The following MAN2A1 variants were observed in gnomAD, a reference collection of about 807,000 sequenced individuals.
The protein encoded by MAN2A1 is mannosidase alpha class 2A member 1, also known as alpha-mannosidase 2.
In MAN2A1, 76 loss-of-function variants were observed where a neutral mutation model predicts 142.6. The ratio of observed to expected loss-of-function variants is 0.53; its 90% CI spans 0.44 to 0.65. The LOEUF is 0.65. Ranked by LOEUF, MAN2A1 falls within the 30% of genes least tolerant of loss-of-function variation. MAN2A1 has a pLI of 0.00. For synonymous variants in MAN2A1, 559 were observed against 473.2 expected (o/e 1.18, Z -2.35); for missense variants, 1,311 against 1,365.1 (o/e 0.96, Z 0.62).
At position 109,767,541 on chromosome 5, in the gene MAN2A1, A is replaced by C; in HGVS notation, c.842A>C (p.Lys281Thr). The C allele has an allele frequency of 6.2e-7, 1 of 1,611,228 alleles. No homozygotes were observed. Among genetic ancestry groups the C allele is most frequent in the Non-Finnish European group, 8.5e-7 (1 of 1,179,038 alleles). Residue 281 changes from lysine (K) to threonine (T), a missense_variant, in exon 6 of 22, where the codon AAA becomes ACA. This residue lies in a region of MAN2A1 where 409 missense variants were observed against 412.7 expected (regional missense o/e 0.99). Coordinates refer to ENST00000261483, the MANE Select transcript of MAN2A1 (RefSeq NM_002372.4). ...HQWLENNIGV[K>T]PRSGWAIDPF... ...TTATCATCTTTATCCACAGGAGTGA[A>C]ACCTCGGTCCGGCTGGGCTATTGAT...
intron 4 of MAN2A1, among the ~76,000 whole-genome samples, chr5:109,732,798 A>G (rs202245761): frequency 5.9e-5 from 9 of 151,836 alleles, no homozygotes; most frequent in Non-Finnish European, 8.8e-5. Context: ...AGGTAGTGTG[A>G]TGCCTCCAGC....
rs1263830457 is a variant in MAN2A1, at chr5:109,854,223, A to G, written c.2977-917A>G. On this transcript the variant is annotated intron_variant, in intron 19 of 21. Transcript: ENST00000261483. ...ACTGGTGATCAAAGGACCTTTCTGC[A>G]TAAATTATTTTCTAAGTTATTTGTG... 3 of 152,200 alleles carry G rather than the reference A, an allele frequency of 2.0e-5. No individual in the cohort carries two copies. The East Asian group carries it at 5.8e-4, about 29-fold the overall frequency. 9.4% of individuals were successfully genotyped at this position (152,200 alleles called of 1,614,324 possible).
intron 20 of MAN2A1, chr5:109,863,628 G>C (rs1755809934): frequency 6.6e-6 from 1 of 152,188 alleles, no homozygotes; most frequent in African/African-American, 2.4e-5. Context: ...TTACAGGCAA[G>C]AAAATAGATA....
Position 109,865,069 on chromosome 5 carries a change from A to T in MAN2A1, c.3205A>T (p.Ile1069Phe), listed in dbSNP as rs989530286. Residue 1069 changes from isoleucine (I) to phenylalanine (F), a missense_variant, in exon 21 of 22, where the codon ATC becomes TTC. Around this residue, in one of 3 missense-constraint regions of MAN2A1, gnomAD observed 890 missense variants for 920.5 expected, o/e 0.97. Transcript: ENST00000261483. ...GNGHSNEAAL[I>F]LHRKGFDCRF... is the part of the protein sequence containing the mutation. The stretch of plus-strand genomic sequence containing the variant: ...TGGGCACTCCAATGAGGCAGCCTTG[A>T]TCCTCCACAGAAAAGGGTTTGATTG... 6 of 1,613,996 alleles carry T rather than the reference A, an allele frequency of 3.7e-6. No homozygotes were observed. Among genetic ancestry groups the T allele is most frequent in the Non-Finnish European group, 1.7e-6 (2 of 1,179,926 alleles).
intron 3 of MAN2A1, among the ~76,000 whole-genome samples, chr5:109,729,127 G>A (rs1370845453): frequency 6.6e-6 from 1 of 152,250 alleles, no homozygotes; most frequent in East Asian, 1.9e-4. Flanking sequence ...AATTTGTGCA[G>A]TTTTCAGAGT....
intron 1 of MAN2A1, chr5:109,699,640 CT>C (rs1750917779): frequency 6.5e-6 from 1 of 152,828 alleles, no homozygotes; most frequent in Non-Finnish European, 1.5e-5. Flanking sequence ...AGTGCAGCTC[CT>C]TGTATACCCT....
chr5:109,748,498 T>G (rs553082396), intron 4 of MAN2A1, among the ~76,000 whole-genome samples: 2 of 152,202 alleles, frequency 1.3e-5, no homozygotes, highest in East Asian at 1.9e-4. Context: ...ATGTGATTCC[T>G]GCGCTCATGG....
chr5:109,750,807 T>G (rs187925998), intron 4 of MAN2A1, among the ~76,000 whole-genome samples: 104 of 152,252 alleles, frequency 6.8e-4, no homozygotes, highest in African/African-American at 2.4e-3. Context: ...AACTCATTCT[T>G]TCTCCACTAA....
intron 2 of MAN2A1, among the ~76,000 whole-genome samples, chr5:109,715,244 T>C (rs1195923651): frequency 7.0e-6 from 1 of 142,158 alleles, no homozygotes; most frequent in Non-Finnish European, 1.6e-5. Context: ...ATAAATATTA[T>C]TGGCTTAAAA....
intron 16 of MAN2A1, among the ~76,000 whole-genome samples, chr5:109,831,000 G>C (rs1160170169): frequency 6.6e-6 from 1 of 152,164 alleles, no homozygotes; most frequent in Non-Finnish European, 1.5e-5. Context: ...ACTGAACTCA[G>C]GTGAAGGGCA....
intron 10 of MAN2A1, among the ~76,000 whole-genome samples, chr5:109,787,341 A>G (rs1298713645): frequency 6.6e-6 from 1 of 152,006 alleles, no homozygotes; most frequent in Non-Finnish European, 1.5e-5. Flanking sequence ...CATAACAGCA[A>G]ACTAAGAAAC....
chr5:109,819,842 G>A lies in MAN2A1; in HGVS notation c.2283G>A (p.Glu761=). 4 of 1,607,620 alleles carry A rather than the reference G, an allele frequency of 2.5e-6. No individual in the cohort carries two copies. The highest frequency in any genetic ancestry group is 3.4e-6 in the Non-Finnish European group (4 of 1,177,672). The change falls in exon 14 of 22, where the codon GAG becomes GAA. Residue 761 remains glutamate, a synonymous_variant. Transcript: ENST00000261483. Reference sequence around the variant, plus strand: ...ATACTGAAGAAGGTATAACACTAGAGAACTCCTTTGTTTTACTTCGGTTTG... The same window carrying A: ...ATACTGAAGAAGGTATAACACTAGAAAACTCCTTTGTTTTACTTCGGTTTG... ...MINTEEGITL[E]NSFVLLRFDQ...
At chr5:109,770,221 TG>T (rs1180113539) in intron 6 of MAN2A1, 133 bp from the exon 7 acceptor site, 1 of 734,630 alleles carries the variant, frequency 1.4e-6, no homozygotes, top group African/African-American at 1.8e-5. Flanking sequence ...GTATATGTAC[TG>T]GAAGTTAAAG....
At chr5:109,714,391 G>A (rs1392413250) in intron 2 of MAN2A1, among the ~76,000 whole-genome samples, 1 of 152,056 alleles carries the variant, frequency 6.6e-6, no homozygotes, top group Non-Finnish European at 1.5e-5. Flanking sequence ...TTGATTATGA[G>A]TTAAGATAAT....
At chr5:109,791,473 T>G (rs1212634498) in intron 12 of MAN2A1, among the ~76,000 whole-genome samples, 2 of 152,084 alleles carry the variant, frequency 1.3e-5, no homozygotes, top group Admixed American at 6.6e-5. Flanking sequence ...CTTTTCAGTT[T>G]TTAAATTGGA....
intron 12 of MAN2A1, among the ~76,000 whole-genome samples, chr5:109,801,401 A>G (rs1373732100): frequency 3.3e-5 from 5 of 152,188 alleles, no homozygotes. Flanking sequence ...TTCTAATTAC[A>G]TGTCATTGTC....
intron 10 of MAN2A1, among the ~76,000 whole-genome samples, 189 bp from the exon 11 acceptor site, chr5:109,788,745 T>G (rs1262451518): frequency 6.6e-6 from 1 of 151,808 alleles, no homozygotes; most frequent in African/African-American, 2.4e-5. Context: ...AATGGATTCT[T>G]GTCAGTTATA....
At chr5:109,731,511 CTCCCCCA>C (rs1176686295) in intron 4 of MAN2A1, among the ~76,000 whole-genome samples, 2 of 100,592 alleles carry the variant, frequency 2.0e-5, no homozygotes, top group African/African-American at 3.8e-5. Flanking sequence ...TCCCTCCCCC[CTCCCCCA>C]ACCCCACAAC....
rs113661582 is a variant in MAN2A1 at position 109,780,510 on chromosome 5, C to CTGTGTGTGTG, written c.1375-856_1375-847dup. 1.9e-3 allele frequency among the ~76,000 whole-genome samples: 278 copies of CTGTGTGTGTG among 143,768 alleles called. 3 individuals carry two copies. Among genetic ancestry groups the CTGTGTGTGTG allele is most frequent in the African/African-American group, 6.7e-3 (258 of 38,514 alleles). 94.3% of individuals were successfully genotyped at this position (143,768 alleles called of 152,430 possible). On this transcript the variant is annotated intron_variant, in intron 8 of 21. Transcript: ENST00000261483. ...CTTGAATCAAAATGACTTGCAATAT[C>CTGTGTGTGTG]TGTGTGTGTGTGTGTGTGTGTGTGT...
Sources: gnomAD v4.1 joint callset for allele counts (sites outside exome capture counted in the v4.1 genomes callset) on GRCh38, gnomAD v4.1.1 for gene constraint, gnomAD v4.1.1 regional missense constraint, MANE v1.5 for transcripts, NCBI Gene and HGNC (gene_info 2026-07-23, HGNC 2026-07-21) for gene names.